SPTB: variants seen among roughly 807,000 people sequenced by gnomAD.
SPTB encodes spectrin beta chain, erythrocytic.
SPTB carries 45 observed loss-of-function variants against 256.2 expected under a neutral mutation model. The ratio of observed to expected loss-of-function variants is 0.18; its 90% CI spans 0.14 to 0.23. The LOEUF is 0.23. Among genes scored for constraint, SPTB ranks in the 10% least tolerant of loss-of-function variants. The pLI is 1.00. For missense variants in SPTB, 2,715 were observed against 3,040.4 expected, an observed-to-expected ratio of 0.89 and a Z score of 2.52; for synonymous variants, 1,231 against 1,243.1, an observed-to-expected ratio of 0.99 and a Z score of 0.21.
In SPTB at chr14:64,767,359, G is replaced by A. The variant is rs1280934172; in HGVS notation, c.6220-7C>T. 2.5e-6 allele frequency: 4 copies of A among 1,613,990 alleles called. No individual in the cohort carries two copies. Among genetic ancestry groups the A allele is most frequent in the South Asian group, 2.2e-5 (2 of 91,074 alleles). ...GGCGTTCTTTCAGCTCAAGCTAGAGGAGGAGAAGGCCCAGGGGTCAGAGCA... is the reference window on the plus strand; with the variant it reads ...GGCGTTCTTTCAGCTCAAGCTAGAGAAGGAGAAGGCCCAGGGGTCAGAGCA... On this transcript the variant is annotated splice_region_variant and splice_polypyrimidine_tract_variant and intron_variant, in intron 30 of 35. Transcript: ENST00000644917.
chr14:64,786,158 T>A lies in SPTB; in HGVS notation c.3562-207A>T, dbSNP rs980607157. On this transcript the variant is annotated intron_variant, in intron 16 of 35. Transcript: ENST00000644917. This position sits in a 1 kb window ranked among gnomAD's most constrained non-coding sequence, Gnocchi z 5.6. ...AATAAACAGTGTGCCTAAAGCCACA[T>A]GGAAGGCTAACCACCCAGGGCAAAA... Among the ~76,000 whole-genome samples the A allele has an allele frequency of 3.3e-5, 5 of 152,072 alleles. No homozygotes were observed. Among genetic ancestry groups the A allele is most frequent in the African/African-American group, 1.2e-4 (5 of 41,406 alleles).
At chr14:64,755,271 C>G (rs1330536900) in intron 32 of SPTB, 1 of 152,202 alleles carries the variant, frequency 6.6e-6, no homozygotes, top group Middle Eastern at 3.2e-3. Flanking sequence ...TGTTGGACAT[C>G]AGATCGAAGC....
intron 2 of SPTB, among the ~76,000 whole-genome samples, chr14:64,814,404 T>A (rs229675): frequency 0.37 from 56,400 of 152,088 alleles, 11,373 homozygotes; most frequent in African/African-American, 0.53. Flanking sequence ...TATATGAGAC[T>A]TTAACAAAAT....
At chr14:64,839,679 C>T (rs1300440110) in intron 1 of SPTB, among the ~76,000 whole-genome samples, 6 of 152,132 alleles carry the variant, frequency 3.9e-5, no homozygotes, top group African/African-American at 1.2e-4. Context: ...TTGCCATAAA[C>T]TGCTCTGATG....
rs2081847377 is a variant in SPTB at position 64,746,671 on chromosome 14, G to A, written c.*2635C>T. The A allele has an allele frequency of 6.6e-6, 1 of 152,442 alleles. No individual in the cohort carries two copies. Among genetic ancestry groups the A allele is most frequent in the South Asian group, 2.1e-4 (1 of 4,826 alleles). The allele number at this position is 152,442 out of a possible 1,614,324, so 9.4% of individuals were successfully genotyped here. A position where few individuals can be genotyped will look rare whatever the true frequency, so the allele number is the denominator to read the frequency against. ...TAGGGGTGTTGGTGGAGGCCAGGTT[G>A]GGGAGGGAAGCCTAAGGACCCTCCA... On this transcript the variant is annotated 3_prime_UTR_variant, in exon 36 of 36. Coordinates refer to ENST00000644917, the MANE Select transcript of SPTB (RefSeq NM_001355436.2). The surrounding 1 kb of genome is among the most constrained non-coding windows in gnomAD (Gnocchi z 4.9).
At chr14:64,846,065 G>A (rs1566799771) in intron 1 of SPTB, among the ~76,000 whole-genome samples, 1 of 152,194 alleles carries the variant, frequency 6.6e-6, no homozygotes, top group Admixed American at 6.5e-5. Context: ...CTACATTCCT[G>A]TATCACCCCT....
At position 64,825,161 on chromosome 14, in the gene SPTB, G is replaced by C. The variant is rs142339086; in HGVS notation, c.-51-2016C>G. Among the ~76,000 whole-genome samples the C allele has an allele frequency of 1.6e-3, 251 of 152,170 alleles. No homozygotes were observed. The highest frequency in any genetic ancestry group is 2.4e-3 in the Non-Finnish European group (160 of 68,004). ...GAGCACAGTTTGTTCCCCTCAATCA[G>C]AAGGGTTTCAGGAGGGCAGGTGGGG... On this transcript the variant is annotated intron_variant, in intron 1 of 35. Coordinates refer to ENST00000644917, the MANE Select transcript of SPTB (RefSeq NM_001355436.2). This position sits in a 1 kb window ranked among gnomAD's most constrained non-coding sequence, Gnocchi z 4.8.
intron 1 of SPTB, among the ~76,000 whole-genome samples, chr14:64,864,687 C>G (rs929399829): frequency 6.6e-6 from 1 of 152,128 alleles, no homozygotes; most frequent in African/African-American, 2.4e-5. Context: ...ATAGTTGTTA[C>G]CTGTGCCTCT....
At chr14:64,877,419 A>C (rs891389857) in intron 1 of SPTB, among the ~76,000 whole-genome samples, 2 of 152,190 alleles carry the variant, frequency 1.3e-5, no homozygotes, top group South Asian at 4.1e-4. Context: ...TAACCTTAAA[A>C]AGAAGGTAGA....
Position 64,793,153 on chromosome 14 carries a change from G to A in SPTB, c.2510C>T (p.Ala837Val), listed in dbSNP as rs139325158. Residue 837 changes from alanine to valine, a missense_variant, in exon 14 of 36, where the codon GCG becomes GTG. By Grantham distance (64) the Ala-to-Val change is moderately conservative (BLOSUM62 0). Coordinates refer to ENST00000644917, the MANE Select transcript of SPTB (RefSeq NM_001355436.2). The surrounding 1 kb of genome is among the most constrained non-coding windows in gnomAD (Gnocchi z 7.0). ...CTGCAGCCTCTGCTGACGCAGGTCC[G>A]CCTGGGCCACCACCTGTTGGTAGAG... ...RELYQQVVAQ[A>V]DLRQQRLQEA... is the part of the protein sequence containing the mutation. The A allele has an allele frequency of 2.2e-5, 36 of 1,613,888 alleles. No individual in the cohort carries two copies. In the African/African-American group the frequency reaches 3.3e-4, roughly 15 times the overall value.
intron 20 of SPTB, 30 bp downstream of exon 20, chr14:64,782,260 A>ACACTCTGAGT: frequency 1.9e-6 from 3 of 1,614,138 alleles, no homozygotes; most frequent in Non-Finnish European, 2.5e-6. Flanking sequence ...TTCTATCCTA[A>ACACTCTGAGT]CACTCTGAGT....
chr14:64,786,658 G>T lies in SPTB; in HGVS notation c.3307C>A (p.His1103Asn). 1 of 1,614,086 alleles carries T rather than the reference G, an allele frequency of 6.2e-7. No individual in the cohort carries two copies. Among genetic ancestry groups the T allele is most frequent in the Non-Finnish European group, 8.5e-7 (1 of 1,179,962 alleles). Residue 1103 changes from histidine (H) to asparagine (N), a missense_variant, in exon 16 of 36, where the codon CAT (histidine) becomes AAT (asparagine). His to Asn is a moderately conservative substitution (Grantham distance 68). Coordinates refer to ENST00000644917, the MANE Select transcript of SPTB (RefSeq NM_001355436.2). This position sits in a 1 kb window ranked among gnomAD's most constrained non-coding sequence, Gnocchi z 5.6. The part of the protein sequence containing the change: ...LPEAEQLLQQ[H>N]AGIKDEIDGH... Reference sequence around the variant, plus strand: ...TCAATCTCATCCTTGATACCTGCATGCTGCTGCAGGAGCTGCTCAGCCTCT... The same window carrying T: ...TCAATCTCATCCTTGATACCTGCATTCTGCTGCAGGAGCTGCTCAGCCTCT...
chr14:64,837,443 G>T (rs2083542575), intron 1 of SPTB, among the ~76,000 whole-genome samples: 1 of 151,970 alleles, frequency 6.6e-6, no homozygotes, highest in African/African-American at 2.4e-5. Flanking sequence ...AGAAACCAAA[G>T]ATCTAAATAA....
In SPTB at chr14:64,799,812, C is replaced by T. The variant is rs765032583; in HGVS notation, c.999G>A (p.Ser333=). 2.7e-5 allele frequency: 44 copies of T among 1,614,114 alleles called. No individual in the cohort carries two copies. Among genetic ancestry groups the T allele is most frequent in the East Asian group, 4.5e-5 (2 of 44,890 alleles). Reference sequence around the variant, plus strand: ...GCAGCTGCTGCTGGACGCCCGTCAGCGAGTTGGCAAACTTGCGGCTGTTCA... The same window carrying T: ...GCAGCTGCTGCTGGACGCCCGTCAGTGAGTTGGCAAACTTGCGGCTGTTCA... ...TVLNSRKFAN[S]LTGVQQQLQA... The change falls in exon 9 of 36, where the codon TCG becomes TCA. Residue 333 remains serine (S), a synonymous_variant. Coordinates refer to ENST00000644917, the MANE Select transcript of SPTB (RefSeq NM_001355436.2).
chr14:64,754,396 CCAT>C, intron 32 of SPTB: 1 of 166,898 alleles, frequency 6.0e-6, no homozygotes, highest in Non-Finnish European at 1.3e-5. Flanking sequence ...GGTCCTTTCT[CCAT>C]CATTTGATGG....
intron 20 of SPTB, among the ~76,000 whole-genome samples, chr14:64,780,973 G>A (rs2082459537): frequency 1.3e-5 from 2 of 152,058 alleles, no homozygotes; most frequent in Admixed American, 6.6e-5. Flanking sequence ...AAACAATGAG[G>A]AAAAGACTCC....
At position 64,816,255 on chromosome 14, in the gene SPTB, G is replaced by T. The variant is rs908665680; in HGVS notation, c.148+6692C>A. 2.6e-5 allele frequency among the ~76,000 whole-genome samples: 4 copies of T among 152,120 alleles called. No individual in the cohort carries two copies. Among genetic ancestry groups the T allele is most frequent in the Non-Finnish European group, 5.9e-5 (4 of 68,018 alleles). ...TTCAACCCTGCCACTGTATGGAAAGGCACGCTGAGGTCTTGAATAAAAAAC... is the reference window on the plus strand; with the variant it reads ...TTCAACCCTGCCACTGTATGGAAAGTCACGCTGAGGTCTTGAATAAAAAAC... On this transcript the variant is annotated intron_variant, in intron 2 of 35. Coordinates refer to ENST00000644917, the MANE Select transcript of SPTB (RefSeq NM_001355436.2). This position sits in a 1 kb window ranked among gnomAD's most constrained non-coding sequence, Gnocchi z 4.2.
chr14:64,754,088 C>T (rs2081989475), intron 32 of SPTB: 4 of 528,546 alleles, frequency 7.6e-6, no homozygotes, highest in African/African-American at 3.8e-5. Context: ...TCAGAGTGAG[C>T]CAAAGGGGCC....
At chr14:64,872,768 A>T (rs1316464632) in intron 1 of SPTB, among the ~76,000 whole-genome samples, 1 of 152,224 alleles carries the variant, frequency 6.6e-6, no homozygotes, top group East Asian at 1.9e-4. Context: ...TAACTGAATC[A>T]CGGGGGTGGG....
Sources: gnomAD v4.1 joint callset for allele counts (sites outside exome capture counted in the v4.1 genomes callset) on GRCh38, gnomAD v4.1.1 for gene constraint, Gnocchi (gnomAD v3.1) non-coding constraint, MANE v1.5 for transcripts, NCBI Gene and HGNC (gene_info 2026-07-23, HGNC 2026-07-21) for gene names.